MORC1: variants seen among roughly 807,000 people sequenced by gnomAD.
The protein encoded by MORC1 is MORC family CW-type zinc finger protein 1.
A neutral mutation model predicts 134.9 loss-of-function variants in MORC1; 59 were observed. The observed-to-expected ratio is 0.44, with a 90% CI of 0.35 to 0.54. The LOEUF (loss-of-function observed/expected upper bound fraction) is 0.54. Ranked by LOEUF, MORC1 falls within the 20% of genes least tolerant of loss-of-function variation. The probability of loss-of-function intolerance (pLI) is 0.00; values close to 1 mark genes in which losing one functional copy is unlikely to be tolerated. For synonymous variants in MORC1, 395 were observed against 391.7 expected (o/e 1.01, Z -0.10); for missense variants, 947 against 1,134.5 (o/e 0.83, Z 2.37).
At chr3:109,040,748 T>C (rs981877647) in intron 14 of MORC1, among the ~76,000 whole-genome samples, 3 of 143,980 alleles carry the variant, frequency 2.1e-5, no homozygotes, top group Non-Finnish European at 3.0e-5. Context: ...GAGAATCTCT[T>C]GAAACTGGGA....
chr3:108,971,325 C>T lies in MORC1; in HGVS notation c.2550+5G>A. ...CCCTCACAGTTCCAAAAAAAACCAG[C>T]TTACCTCACAACTTAATGCAGGTTC... On this transcript the variant is annotated splice_donor_5th_base_variant and intron_variant, in intron 25 of 27. Coordinates refer to ENST00000232603, the MANE Select transcript of MORC1 (RefSeq NM_014429.4). 6 of 1,612,648 alleles carry T rather than the reference C, an allele frequency of 3.7e-6. No individual in the cohort carries two copies. The highest frequency in any genetic ancestry group is 5.1e-6 in the Non-Finnish European group (6 of 1,179,138).
At chr3:108,991,364 G>A (rs1023229620) in intron 21 of MORC1, among the ~76,000 whole-genome samples, 3 of 152,184 alleles carry the variant, frequency 2.0e-5, no homozygotes, top group South Asian at 2.1e-4. Context: ...TATGTTTAAA[G>A]GTTGATTCAG....
At chr3:109,049,724 G>GGTC (rs1423385462) in intron 14 of MORC1, among the ~76,000 whole-genome samples, 1 of 151,992 alleles carries the variant, frequency 6.6e-6, no homozygotes, top group Non-Finnish European at 1.5e-5. Context: ...AATGGTAAGG[G>GGTC]GGACACTGAG....
intron 17 of MORC1, among the ~76,000 whole-genome samples, chr3:109,007,891 G>A (rs763360538): frequency 1.3e-5 from 2 of 151,514 alleles, no homozygotes; most frequent in South Asian, 2.1e-4. Context: ...CCACTGTCTC[G>A]CTTAATCTTT....
At chr3:108,998,173 C>A (rs1476423685) in intron 21 of MORC1, among the ~76,000 whole-genome samples, 1 of 152,142 alleles carries the variant, frequency 6.6e-6, no homozygotes, top group Non-Finnish European at 1.5e-5. Context: ...ATTGGCCAGC[C>A]CATGCAGATG....
At chr3:109,077,949 T>A (rs115904171) in intron 8 of MORC1, among the ~76,000 whole-genome samples, 1 of 151,750 alleles carries the variant, frequency 6.6e-6, no homozygotes, top group Non-Finnish European at 1.5e-5. Context: ...AAAAAGCAAG[T>A]CTAGAGAGAT....
chr3:109,055,422 T>C (rs1025716446), intron 13 of MORC1, among the ~76,000 whole-genome samples: 2 of 152,200 alleles, frequency 1.3e-5, no homozygotes, highest in Non-Finnish European at 2.9e-5. Flanking sequence ...AGCATACCAC[T>C]GTCTAAGCCT....
rs1272777709 is a variant in MORC1, at chr3:108,987,705, C to T, written c.2188-756G>A. On this transcript the variant is annotated intron_variant, in intron 21 of 27. Coordinates refer to ENST00000232603, the MANE Select transcript of MORC1 (RefSeq NM_014429.4). ...CAGGTATATCATCACTTTGGGAATC[C>T]TGTTAAGATCCATTTTACAAGGCTC... Among the ~76,000 whole-genome samples the T allele has an allele frequency of 2.0e-5, 3 of 151,690 alleles. No homozygotes were observed. The East Asian group carries it at 5.8e-4, about 29-fold the overall frequency.
At chr3:109,030,923 T>G (rs1379767182) in intron 16 of MORC1, among the ~76,000 whole-genome samples, 2 of 152,224 alleles carry the variant, frequency 1.3e-5, no homozygotes, top group Admixed American at 1.3e-4. Flanking sequence ...ACATACTATA[T>G]GCCTTATCAA....
intron 8 of MORC1, among the ~76,000 whole-genome samples, chr3:109,080,544 G>A (rs1298962398): frequency 6.6e-6 from 1 of 151,978 alleles, no homozygotes; most frequent in African/African-American, 2.4e-5. Flanking sequence ...TAATTACTAT[G>A]ATATATTATG....
intron 8 of MORC1, among the ~76,000 whole-genome samples, chr3:109,087,315 A>G (rs1950632818): frequency 6.6e-6 from 1 of 152,130 alleles, no homozygotes; most frequent in Non-Finnish European, 1.5e-5. Flanking sequence ...ATGACTCTAT[A>G]TCTAGAAAAC....
intron 17 of MORC1, chr3:109,018,884 C>T (rs1948888006): frequency 1.3e-5 from 2 of 152,000 alleles, no homozygotes; most frequent in South Asian, 4.2e-4. Flanking sequence ...TCACCTCCAC[C>T]TTTTTTACTT....
intron 14 of MORC1, among the ~76,000 whole-genome samples, chr3:109,039,515 C>T (rs963381586): frequency 3.9e-5 from 6 of 152,170 alleles, no homozygotes; most frequent in African/African-American, 1.2e-4. Flanking sequence ...AAAAACTGCA[C>T]TGGCAGAATC....
intron 20 of MORC1, among the ~76,000 whole-genome samples, chr3:109,002,050 G>A (rs1489406969): frequency 6.6e-6 from 1 of 152,200 alleles, no homozygotes; most frequent in Non-Finnish European, 1.5e-5. Flanking sequence ...AAAGGGCAGA[G>A]TTACCTCCTC....
At chr3:108,978,775 G>A (rs975110636) in intron 24 of MORC1, among the ~76,000 whole-genome samples, 5 of 152,090 alleles carry the variant, frequency 3.3e-5, no homozygotes, top group Non-Finnish European at 5.9e-5. Context: ...TCCAGGTAGG[G>A]CATGTTGTTT....
chr3:109,037,069 T>C (rs1170692144), intron 14 of MORC1, among the ~76,000 whole-genome samples: 1 of 152,196 alleles, frequency 6.6e-6, no homozygotes, highest in Non-Finnish European at 1.5e-5. Context: ...AGATTCACAT[T>C]GCATTCTTAC....
In MORC1 at chr3:108,982,585, G is replaced by GGT. The variant is rs1553743069; in HGVS notation, c.2324+2130_2324+2131insAC. Among the ~76,000 whole-genome samples, 4 of 151,536 alleles carry GGT rather than the reference G, an allele frequency of 2.6e-5. No individual in the cohort carries two copies. The South Asian group carries it at 6.3e-4, about 24-fold the overall frequency. On this transcript the variant is annotated intron_variant, in intron 23 of 27. Coordinates refer to ENST00000232603, the MANE Select transcript of MORC1 (RefSeq NM_014429.4). ...ACACACGGGGACCTGTCGTGGGATG[G>GGT]GGGGGGCAGGGGGAGGGATAGCATT...
chr3:108,996,532 C>A (rs895189195), intron 21 of MORC1, among the ~76,000 whole-genome samples: 2 of 152,192 alleles, frequency 1.3e-5, no homozygotes, highest in East Asian at 3.9e-4. Flanking sequence ...AAGAAAAACT[C>A]CTCATTATTT....
intron 4 of MORC1, chr3:109,101,482 C>T (rs1465356686): frequency 6.6e-6 from 1 of 152,238 alleles, no homozygotes; most frequent in Non-Finnish European, 1.5e-5. Context: ...TACCTGAATA[C>T]ATGCTGAAGA....
Sources: allele counts gnomAD v4.1 joint callset (sites outside exome capture counted in the v4.1 genomes callset), GRCh38; gene constraint gnomAD v4.1.1; transcripts MANE v1.5; gene names NCBI Gene and HGNC (gene_info 2026-07-23, HGNC 2026-07-21).